The following RPTOR variants were observed in gnomAD, a reference collection of about 807,000 sequenced individuals.
The protein encoded by RPTOR is regulatory-associated protein of mTOR.
Under a neutral mutation model 169.9 loss-of-function variants are expected in RPTOR, and 21 were observed. The ratio of observed to expected loss-of-function variants is 0.12; its 90% CI spans 0.09 to 0.18. The LOEUF (loss-of-function observed/expected upper bound fraction) is 0.18. RPTOR is among the 10% of genes least tolerant of loss of function. The probability of loss-of-function intolerance (pLI) is 1.00; values close to 1 mark genes in which losing one functional copy is unlikely to be tolerated. For missense variants in RPTOR, 1,133 were observed against 1,855.9 expected (o/e 0.61, Z 7.16); for synonymous variants, 732 against 753.2 (o/e 0.97, Z 0.46).
At chr17:80,648,054 C>A (rs78330849) in intron 3 of RPTOR, among the ~76,000 whole-genome samples, 4 of 152,080 alleles carry the variant, frequency 2.6e-5, no homozygotes, top group African/African-American at 9.7e-5. Context: ...TGCCTAACCC[C>A]AAGCAGAGTA....
chr17:80,941,731 C>G (rs1043441700), intron 25 of RPTOR: 2 of 152,294 alleles, frequency 1.3e-5, no homozygotes, highest in Non-Finnish European at 2.9e-5. Flanking sequence ...GTTGATGACC[C>G]GTAGGACAGA....
chr17:80,698,667 CAA>C (rs546792498), intron 3 of RPTOR, among the ~76,000 whole-genome samples: 1 of 152,202 alleles, frequency 6.6e-6, no homozygotes, highest in South Asian at 2.1e-4. Flanking sequence ...TTTCTATAGA[CAA>C]ATGTGCCGCT....
intron 1 of RPTOR, among the ~76,000 whole-genome samples, chr17:80,579,952 A>G (rs975997590): frequency 5.3e-5 from 8 of 152,158 alleles, no homozygotes; most frequent in Admixed American, 4.6e-4. Flanking sequence ...GGCATCTATC[A>G]TGGGCTGCTT....
rs546048155 is a variant in RPTOR at position 80,849,386 on chromosome 17, G to A, written c.1314+2812G>A. On this transcript the variant is annotated intron_variant, in intron 11 of 33. Coordinates refer to ENST00000306801, the MANE Select transcript of RPTOR (RefSeq NM_020761.3). ...CTGATTCGCAGCCCCTCCTGTAAAC[G>A]TGAGCATGGAACAGGCCCTTCCTGC... Among the ~76,000 whole-genome samples, 8 of 152,282 alleles carry A rather than the reference G, an allele frequency of 5.3e-5. No homozygotes were observed. In the East Asian group the frequency reaches 1.2e-3, roughly 22 times the overall value.
intron 6 of RPTOR, among the ~76,000 whole-genome samples, chr17:80,756,509 C>T (rs1010511401): frequency 2.0e-5 from 3 of 152,154 alleles, no homozygotes; most frequent in African/African-American, 7.2e-5. Context: ...GGCCCCAACA[C>T]AAAAGATAGA....
intron 11 of RPTOR, among the ~76,000 whole-genome samples, chr17:80,848,008 G>A (rs1178081427): frequency 6.6e-6 from 1 of 152,262 alleles, no homozygotes; most frequent in African/African-American, 2.4e-5. Flanking sequence ...CGTGCTGTAG[G>A]ACTGAGGCTT....
At chr17:80,662,939 A>G (rs2065735435) in intron 3 of RPTOR, among the ~76,000 whole-genome samples, 1 of 152,122 alleles carries the variant, frequency 6.6e-6, no homozygotes, top group Non-Finnish European at 1.5e-5. Context: ...TGCATCCGGG[A>G]ATGGGTGAGG....
intron 1 of RPTOR, chr17:80,602,848 T>C: frequency 1.0e-5 from 6 of 576,388 alleles, no homozygotes; most frequent in South Asian, 8.7e-5. Context: ...TGAATGTTGA[T>C]GGTGTCTTCT....
intron 3 of RPTOR, among the ~76,000 whole-genome samples, chr17:80,672,054 G>C (rs1330967146): frequency 1.3e-5 from 2 of 152,110 alleles, no homozygotes. Context: ...TTTAAAGAAA[G>C]GGCTAATATC....
intron 14 of RPTOR, among the ~76,000 whole-genome samples, chr17:80,882,354 G>A (rs1432492968): frequency 3.3e-5 from 5 of 152,288 alleles, no homozygotes; most frequent in South Asian, 2.1e-4. Flanking sequence ...GTACATAGAC[G>A]CATCATAATG....
At chr17:80,832,057 C>T (rs188868832) in intron 9 of RPTOR, among the ~76,000 whole-genome samples, 1 of 152,294 alleles carries the variant, frequency 6.6e-6, no homozygotes, top group East Asian at 1.9e-4. Context: ...AGGGCTTGAG[C>T]CAGGTGGATA....
In RPTOR at chr17:80,920,841, G is replaced by A. The variant is rs544846510; in HGVS notation, c.2521-1883G>A. On this transcript the variant is annotated intron_variant, in intron 21 of 33. Transcript: ENST00000306801. ...GAAGGCACATATAAAGTTCACAGTC[G>A]AAAACTTGCTTTTCTCTTTTTAGAC... Among the ~76,000 whole-genome samples, 26 of 152,318 alleles carry A rather than the reference G, an allele frequency of 1.7e-4. 1 individual carries two copies. In the South Asian group the frequency reaches 3.9e-3, roughly 23 times the overall value.
chr17:80,618,244 C>T (rs1486188397), intron 1 of RPTOR, among the ~76,000 whole-genome samples: 2 of 152,188 alleles, frequency 1.3e-5, no homozygotes, highest in African/African-American at 4.8e-5. Context: ...GGCTTGGCCT[C>T]CCAAAGTGCT....
In RPTOR at chr17:80,562,631, G is replaced by A. The variant is rs962482370; in HGVS notation, c.162+16840G>A. 5.3e-5 allele frequency among the ~76,000 whole-genome samples: 8 copies of A among 152,074 alleles called. No individual in the cohort carries two copies. The highest frequency in any genetic ancestry group is 1.7e-4 in the African/African-American group (7 of 41,492). On this transcript the variant is annotated intron_variant, in intron 1 of 33. Coordinates refer to ENST00000306801, the MANE Select transcript of RPTOR (RefSeq NM_020761.3). This position sits in a 1 kb window ranked among gnomAD's most constrained non-coding sequence, Gnocchi z 4.4. ...AAACCCCGTCTCTACTAAAAATACA[G>A]GAATTATCTGGGTGTGGTGACGCAC...
intron 4 of RPTOR, among the ~76,000 whole-genome samples, chr17:80,710,883 G>C (rs1040996453): frequency 3.3e-5 from 5 of 152,164 alleles, no homozygotes; most frequent in African/African-American, 1.2e-4. Context: ...ATAAGCTGAG[G>C]AATGTTCCTT....
rs564132834 is a variant in RPTOR, at chr17:80,894,554, C to T, written c.2401+689C>T. Among the ~76,000 whole-genome samples the T allele has an allele frequency of 2.6e-5, 4 of 152,316 alleles. No individual in the cohort carries two copies. In the East Asian group the frequency reaches 7.7e-4, roughly 29 times the overall value. ...TACCACCAGGATTGCTGTTGTAAAACAGGAGAAGCAGGAATTCACCGTGTT... is the reference window on the plus strand; with the variant it reads ...TACCACCAGGATTGCTGTTGTAAAATAGGAGAAGCAGGAATTCACCGTGTT... On this transcript the variant is annotated intron_variant, in intron 20 of 33. Coordinates refer to ENST00000306801, the MANE Select transcript of RPTOR (RefSeq NM_020761.3).
chr17:80,778,257 TGTCA>T (rs376479943), intron 6 of RPTOR, among the ~76,000 whole-genome samples: 1 of 152,292 alleles, frequency 6.6e-6, no homozygotes, highest in Non-Finnish European at 1.5e-5. Context: ...TAAAAATTGA[TGTCA>T]GATAGAAAAT....
intron 9 of RPTOR, among the ~76,000 whole-genome samples, chr17:80,833,983 C>T (rs779587491): frequency 2.6e-5 from 4 of 152,114 alleles, no homozygotes; most frequent in Admixed American, 1.3e-4. Context: ...AGTGAGACTC[C>T]GTCTCAAAAA....
intron 1 of RPTOR, among the ~76,000 whole-genome samples, chr17:80,572,276 A>AT (rs1282509577): frequency 1.3e-5 from 2 of 151,862 alleles, no homozygotes; most frequent in Admixed American, 6.6e-5. Context: ...TTTTCTTTGT[A>AT]TTTTTTTGTA....
Sources: allele counts gnomAD v4.1 joint callset (sites outside exome capture counted in the v4.1 genomes callset), GRCh38; gene constraint gnomAD v4.1.1; non-coding constraint Gnocchi (gnomAD v3.1); transcripts MANE v1.5; gene names NCBI Gene and HGNC (gene_info 2026-07-23, HGNC 2026-07-21).